Variants in TTYH2 observed in about 807,000 individuals in gnomAD.
TTYH2 encodes tweety family member 2, also known as protein tweety homolog 2.
TTYH2 carries 49 observed loss-of-function variants against 68.3 expected under a neutral mutation model. That is an observed-to-expected ratio of 0.72 (90% confidence interval 0.57 to 0.91). The LOEUF is 0.91. Among genes scored for constraint, TTYH2 ranks in the 40% least tolerant of loss-of-function variants. The probability of loss-of-function intolerance (pLI) is 0.00; values close to 1 mark genes in which losing one functional copy is unlikely to be tolerated. For synonymous variants in TTYH2, 272 were observed against 300.8 expected (o/e 0.90, Z 0.99); for missense variants, 631 against 700.4 (o/e 0.90, Z 1.12).
chr17:74,225,306 A>G (rs8080109), intron 2 of TTYH2, among the ~76,000 whole-genome samples: 8,912 of 151,818 alleles, frequency 0.059, 748 homozygotes, highest in African/African-American at 0.19. Flanking sequence ...GGGGTGAGCA[A>G]TGAGTGGCAG....
chr17:74,248,532 G>C lies in TTYH2; in HGVS notation c.805-479G>C, dbSNP rs539849104. On this transcript the variant is annotated intron_variant, in intron 6 of 13. Transcript: ENST00000269346. ...ATTCTTTAGAAAGAGTTTGGGGGAG[G>C]CTTCATAGATTGAACACCCGTCCCT... 2.8e-5 allele frequency: 28 copies of C among 994,576 alleles called. No homozygotes were observed. The African/African-American group carries it at 3.3e-4, about 12-fold the overall frequency. 61.6% of individuals were successfully genotyped at this position (994,576 alleles called of 1,614,324 possible).
rs1267071666 is a variant in TTYH2 at position 74,232,165 on chromosome 17, C to G, written c.414+1166C>G. On this transcript the variant is annotated intron_variant, in intron 3 of 13. Transcript: ENST00000269346. This position sits in a 1 kb window ranked among gnomAD's most constrained non-coding sequence, Gnocchi z 5.1. ...CCAACAGGAGAATTTGGCCATTGCCCCGGCATCCTCCAGAAGAGGATTGGA... is the reference window on the plus strand; with the variant it reads ...CCAACAGGAGAATTTGGCCATTGCCGCGGCATCCTCCAGAAGAGGATTGGA... 6.6e-6 allele frequency among the ~76,000 whole-genome samples: 1 copy of G among 152,202 alleles called. No homozygotes were observed. The highest frequency in any genetic ancestry group is 1.5e-5 in the Non-Finnish European group (1 of 68,034).
intron 10 of TTYH2, 187 bp downstream of exon 10, chr17:74,250,544 G>A (rs766624555): frequency 1.4e-4 from 82 of 594,818 alleles, no homozygotes; most frequent in Non-Finnish European, 6.0e-5. Context: ...GAGACAGGGA[G>A]ACTCAGTACA....
rs1172621810 is a variant in TTYH2 at position 74,222,616 on chromosome 17, C to T, written c.261C>T (p.Cys87=). 6 of 1,611,654 alleles carry T rather than the reference C, an allele frequency of 3.7e-6. No homozygotes were observed. In the South Asian group the frequency reaches 5.5e-5, roughly 15 times the overall value. Residue 87 remains cysteine, a synonymous_variant, in exon 2 of 14, where the codon TGC becomes TGT. Transcript: ENST00000269346. The surrounding 1 kb of genome is among the most constrained non-coding windows in gnomAD (Gnocchi z 5.2). ...TGCAGACCAAGCAGCACCACTCCTG[C>T]TGCATCACCTGGACGGCCGTGGTGG... The part of the protein sequence containing the change: ...DAVQTKQHHS[C]CITWTAVVAG...
At chr17:74,225,403 G>T (rs964556015) in intron 2 of TTYH2, among the ~76,000 whole-genome samples, 8 of 152,244 alleles carry the variant, frequency 5.3e-5, no homozygotes, top group South Asian at 2.1e-4. Context: ...TTTGTGAGGG[G>T]TCGGGGTCTT....
chr17:74,228,071 C>T (rs2050350100), intron 2 of TTYH2, among the ~76,000 whole-genome samples: 1 of 148,814 alleles, frequency 6.7e-6, no homozygotes. Context: ...GCAACCTCCT[C>T]CTCCTGGGTT....
chr17:74,226,791 A>G lies in TTYH2; in HGVS notation c.303-4097A>G, dbSNP rs543934944. 3.3e-5 allele frequency among the ~76,000 whole-genome samples: 5 copies of G among 152,230 alleles called. No individual in the cohort carries two copies. In the South Asian group the frequency reaches 8.3e-4, roughly 25 times the overall value. ...AGGGTAGTGATTTTATATTTGGGAA[A>G]GAGTAGTGTGAACACACCAGGGGGA... On this transcript the variant is annotated intron_variant, in intron 2 of 13. Transcript: ENST00000269346.
rs373728907 is a variant in TTYH2, at chr17:74,255,795, G to GGGT, written c.1524+1965_1524+1967dup. 4.7e-4 allele frequency among the ~76,000 whole-genome samples: 71 copies of GGGT among 152,346 alleles called. 1 individual carries two copies. The highest frequency in any genetic ancestry group is 1.7e-3 in the African/African-American group (69 of 41,588). Reference sequence around the variant, plus strand: ...AATGAAAGGCCAGAAGTCTGCCATGGGGTGGGCAGAAGGGTCCTGGAGCCA... The same window carrying GGGT: ...AATGAAAGGCCAGAAGTCTGCCATGGGGTGGTGGGCAGAAGGGTCCTGGAGCCA... On this transcript the variant is annotated intron_variant, in intron 13 of 13. Coordinates refer to ENST00000269346, the MANE Select transcript of TTYH2 (RefSeq NM_032646.6).
Position 74,239,659 on chromosome 17 carries a change from A to G in TTYH2, c.635+2145A>G, listed in dbSNP as rs1181035729. On this transcript the variant is annotated intron_variant, in intron 4 of 13. Coordinates refer to ENST00000269346, the MANE Select transcript of TTYH2 (RefSeq NM_032646.6). This position sits in a 1 kb window ranked among gnomAD's most constrained non-coding sequence, Gnocchi z 5.3. Reference sequence around the variant, plus strand: ...CACACCTTGCCTCCCCAGCCCGTCCAGTCCCTGCATCTCCGCCATGTCCTG... The same window carrying G: ...CACACCTTGCCTCCCCAGCCCGTCCGGTCCCTGCATCTCCGCCATGTCCTG... Among the ~76,000 whole-genome samples the G allele has an allele frequency of 2.0e-5, 3 of 152,154 alleles. No individual in the cohort carries two copies. Among genetic ancestry groups the G allele is most frequent in the Non-Finnish European group, 4.4e-5 (3 of 68,022 alleles).
Position 74,237,186 on chromosome 17 carries a change from G to C in TTYH2, c.415-108G>C. On this transcript the variant is annotated intron_variant, in intron 3 of 13. Coordinates refer to ENST00000269346, the MANE Select transcript of TTYH2 (RefSeq NM_032646.6). ...AAGTGCTGGGATGACAGGCATGAGC[G>C]TAATTATCGCACCTGGCCAGGCCAC... 2.8e-6 allele frequency: 3 copies of C among 1,075,490 alleles called. No homozygotes were observed. The South Asian group carries it at 4.4e-5, about 16-fold the overall frequency. The allele number at this position is 1,075,490 out of a possible 1,614,324, so 66.6% of individuals were successfully genotyped here. A position where few individuals can be genotyped will look rare whatever the true frequency, so the allele number is the denominator to read the frequency against.
chr17:74,228,780 C>T (rs1463864434), intron 2 of TTYH2, among the ~76,000 whole-genome samples: 2 of 152,148 alleles, frequency 1.3e-5, no homozygotes, highest in Admixed American at 6.5e-5. Flanking sequence ...ACCCCTGCTG[C>T]GCTCAGAGCT....
chr17:74,240,423 A>G (rs1475743805), intron 4 of TTYH2, among the ~76,000 whole-genome samples: 1 of 150,514 alleles, frequency 6.6e-6, no homozygotes, highest in East Asian at 2.0e-4. Flanking sequence ...AGGGCAATAG[A>G]GTGAGACTCT....
At chr17:74,227,924 G>GA (rs2050347298) in intron 2 of TTYH2, among the ~76,000 whole-genome samples, 1 of 150,222 alleles carries the variant, frequency 6.7e-6, no homozygotes, top group Non-Finnish European at 1.5e-5. Flanking sequence ...ACCACATCCT[G>GA]AAAAACACTA....
In TTYH2 at chr17:74,214,560, A is replaced by G. The variant is rs1039876341; in HGVS notation, c.129+844A>G. On this transcript the variant is annotated intron_variant, in intron 1 of 13. Transcript: ENST00000269346. The surrounding 1 kb of genome is among the most constrained non-coding windows in gnomAD (Gnocchi z 4.6). ...TTTCCCTACTCTGCTGACCCTTGGC[A>G]GGATTCTGCACCCCACAAACAGGGC... Among the ~76,000 whole-genome samples, 16 of 152,104 alleles carry G rather than the reference A, an allele frequency of 1.1e-4. No individual in the cohort carries two copies. The highest frequency in any genetic ancestry group is 1.5e-4 in the Non-Finnish European group (10 of 68,006).
intron 6 of TTYH2, chr17:74,248,629 C>T (rs527238954): frequency 1.8e-6 from 2 of 1,119,144 alleles, no homozygotes; most frequent in East Asian, 5.4e-5. Context: ...CTCCCACACA[C>T]ACAGCCTGCA....
chr17:74,260,108 C>T, intron 13 of TTYH2, 21 bp from the exon 14 acceptor site: 4 of 1,610,588 alleles, frequency 2.5e-6, no homozygotes, highest in Non-Finnish European at 3.4e-6. Flanking sequence ...TCTGACCATC[C>T]CCTCTCTTCT....
chr17:74,247,643 G>A (rs192096743), intron 6 of TTYH2, among the ~76,000 whole-genome samples: 53 of 152,264 alleles, frequency 3.5e-4, no homozygotes, highest in Middle Eastern at 3.4e-3. Context: ...TGGTGGCCTC[G>A]CTCTTTATTT....
At chr17:74,242,365 ATGT>A (rs1334560981) in intron 4 of TTYH2, among the ~76,000 whole-genome samples, 2 of 152,130 alleles carry the variant, frequency 1.3e-5, no homozygotes, top group Admixed American at 1.3e-4. Context: ...CCTGGCACAA[ATGT>A]TGTTTAAAAA....
At chr17:74,231,050 C>T (rs968503662) in intron 3 of TTYH2, 51 bp downstream of exon 3, 5 of 1,562,518 alleles carry the variant, frequency 3.2e-6, no homozygotes, top group Admixed American at 1.7e-5. Flanking sequence ...ACAAGGTCAG[C>T]GTGGTCAGAG....
Sources: gnomAD v4.1 joint callset for allele counts (sites outside exome capture counted in the v4.1 genomes callset) on GRCh38, gnomAD v4.1.1 for gene constraint, Gnocchi (gnomAD v3.1) non-coding constraint, MANE v1.5 for transcripts, NCBI Gene and HGNC (gene_info 2026-07-23, HGNC 2026-07-21) for gene names.